The following ABCA5 variants were observed in gnomAD, a reference collection of about 807,000 sequenced individuals.
ABCA5 encodes the protein ATP binding cassette subfamily A member 5, also known as cholesterol transporter ABCA5.
In ABCA5, 163 loss-of-function variants were observed where a neutral mutation model predicts 206.0. The observed-to-expected ratio is 0.79, with a 90% confidence interval of 0.70 to 0.90. The LOEUF (loss-of-function observed/expected upper bound fraction) is 0.90, where lower values mean the gene tolerates loss of function less well. Among genes scored for constraint, ABCA5 ranks in the 40% least tolerant of loss-of-function variants. The probability of loss-of-function intolerance (pLI) is 0.00; values close to 1 mark genes in which losing one functional copy is unlikely to be tolerated. For missense variants in ABCA5, 1,859 were observed against 1,912.9 expected (o/e 0.97, Z 0.53); for synonymous variants, 609 against 613.8 (o/e 0.99, Z 0.11).
At chr17:69,259,615 C>T (rs966866032) in intron 28 of ABCA5, 91 bp downstream of exon 28, 1 of 857,556 alleles carries the variant, frequency 1.2e-6, no homozygotes. Flanking sequence ...TTTTGGAGTG[C>T]TGGAAATGTT....
intron 27 of ABCA5, among the ~76,000 whole-genome samples, 189 bp downstream of exon 27, chr17:69,260,149 G>A (rs2075130953): frequency 6.6e-6 from 1 of 151,856 alleles, no homozygotes; most frequent in Non-Finnish European, 1.5e-5. Flanking sequence ...GTATATTAAA[G>A]TGAACATATT....
rs1180912574 is a variant in ABCA5 at position 69,306,765 on chromosome 17, C to A, written c.748G>T (p.Glu250Ter). ...IVAEKEKKIK[E>*]FLKIMGLHDT... ...TGAAGTCCCATTATCTTTAAAAATTCTTTTATTTTTTTTTCTTTTTCTGCT... is the reference window on the plus strand; with the variant it reads ...TGAAGTCCCATTATCTTTAAAAATTATTTTATTTTTTTTTCTTTTTCTGCT... Residue 250 changes from glutamate to a stop codon, truncating the protein, a stop_gained, in exon 6 of 39, where the codon GAA (glutamate) becomes TAA (stop). Transcript: ENST00000392676. LOFTEE classifies it high-confidence loss of function. 24 of 1,560,492 alleles carry A rather than the reference C, an allele frequency of 1.5e-5. No individual in the cohort carries two copies. Among genetic ancestry groups the A allele is most frequent in the East Asian group, 2.3e-5 (1 of 43,078 alleles).
intron 9 of ABCA5, among the ~76,000 whole-genome samples, chr17:69,297,822 T>C (rs2075599789): frequency 6.6e-6 from 1 of 152,140 alleles, no homozygotes; most frequent in South Asian, 2.1e-4. Flanking sequence ...GTGGATATGC[T>C]TCATGGAAAA....
At chr17:69,306,694 T>C in intron 6 of ABCA5, 31 bp downstream of exon 6, 1 of 1,070,866 alleles carries the variant, frequency 9.3e-7, no homozygotes, top group Non-Finnish European at 1.2e-6. Flanking sequence ...AATTTTTAAT[T>C]ATATTAAGTA....
intron 15 of ABCA5, 94 bp downstream of exon 15, chr17:69,287,519 G>C: frequency 9.2e-6 from 13 of 1,414,256 alleles, no homozygotes; most frequent in Non-Finnish European, 1.2e-5. Context: ...CTAGGTAAAA[G>C]CTTCTCTATT....
chr17:69,250,343 TCACA>T (rs574061307), intron 36 of ABCA5, 125 bp downstream of exon 36: 3 of 670,734 alleles, frequency 4.5e-6, no homozygotes, highest in South Asian at 3.2e-5. Context: ...ACATATATAT[TCACA>T]CACAGAGATA....
At chr17:69,315,327 A>T (rs978101681) in intron 1 of ABCA5, 1 of 152,238 alleles carries the variant, frequency 6.6e-6, no homozygotes, top group Non-Finnish European at 1.5e-5. Context: ...TTTGAAAAAT[A>T]AACTAAAATG....
intron 24 of ABCA5, among the ~76,000 whole-genome samples, chr17:69,264,192 C>T (rs1441406877): frequency 2.0e-5 from 3 of 151,958 alleles, no homozygotes; most frequent in Non-Finnish European, 2.9e-5. Context: ...TTTCCATTTG[C>T]TTGTATCATC....
At chr17:69,314,619 G>A in intron 1 of ABCA5, 189 bp from the exon 2 acceptor site, 1 of 487,194 alleles carries the variant, frequency 2.1e-6, no homozygotes, top group South Asian at 3.4e-5. Context: ...AAGTAAACAA[G>A]GCATGTGAAA....
intron 35 of ABCA5, chr17:69,250,893 T>C (rs979631441): frequency 1.0e-5 from 2 of 199,726 alleles, no homozygotes; most frequent in Non-Finnish European, 2.0e-5. Flanking sequence ...TTTCACCAAT[T>C]TTCTATTAGT....
At chr17:69,286,183 GTA>G in intron 16 of ABCA5, 36 bp downstream of exon 16, 1 of 1,572,456 alleles carries the variant, frequency 6.4e-7, no homozygotes, top group Non-Finnish European at 8.7e-7. Context: ...TATAGCAAGA[GTA>G]TAATATAGAA....
At chr17:69,294,598 T>G in intron 11 of ABCA5, 57 bp downstream of exon 11, 1 of 1,370,332 alleles carries the variant, frequency 7.3e-7, no homozygotes, top group Non-Finnish European at 1.0e-6. Flanking sequence ...GCTATGCAAA[T>G]TATTTTTCTA....
chr17:69,302,718 C>G lies in ABCA5; in HGVS notation c.1119G>C (p.Gln373His). 1 of 1,513,392 alleles carries G rather than the reference C, an allele frequency of 6.6e-7. No individual in the cohort carries two copies. Among genetic ancestry groups the G allele is most frequent in the Non-Finnish European group, 8.8e-7 (1 of 1,139,132 alleles). The allele number at this position is 1,513,392 out of a possible 1,614,324, so 93.7% of individuals were successfully genotyped here. Residue 373 changes from glutamine to histidine, a missense_variant and splice_region_variant, in exon 8 of 39, where the codon CAG becomes CAC. Gln to His is a conservative substitution (Grantham distance 24, BLOSUM62 0). Transcript: ENST00000392676. ...CHCTFVIGIA[Q>H]VMHLEDFNEG... ...AATGCAAGATTAATATATTACCTAC[C>G]TGTGCAATACCAATCACAAAAGTAC...
intron 7 of ABCA5, among the ~76,000 whole-genome samples, chr17:69,303,443 A>G (rs539868356): frequency 6.6e-6 from 1 of 151,798 alleles, no homozygotes; most frequent in African/African-American, 2.4e-5. Context: ...TAAATACTGT[A>G]TTTTTATCTG....
chr17:69,268,196 A>C, intron 22 of ABCA5, 140 bp from the exon 23 acceptor site: 2 of 538,808 alleles, frequency 3.7e-6, no homozygotes, highest in Non-Finnish European at 6.7e-6. Context: ...GGCATAGTCT[A>C]CATGAAAGAA....
chr17:69,292,316 T>C (rs2075537138), intron 11 of ABCA5, among the ~76,000 whole-genome samples: 2 of 152,198 alleles, frequency 1.3e-5, no homozygotes, highest in African/African-American at 4.8e-5. Context: ...TTTGGACTTA[T>C]CAGGATATGT....
In ABCA5 at chr17:69,277,661, T is replaced by G; in HGVS notation, c.2574A>C (p.Glu858Asp). The G allele has an allele frequency of 6.2e-7, 1 of 1,610,650 alleles. No homozygotes were observed. Among genetic ancestry groups the G allele is most frequent in the Non-Finnish European group, 8.5e-7 (1 of 1,178,948 alleles). ...AKFHFFTLKRESKSVRSVLLL... is the reference protein window; with the variant it reads ...AKFHFFTLKRDSKSVRSVLLL... The stretch of plus-strand genomic sequence containing the variant: ...CTTACACTGATCTCACTGATTTACT[T>G]TCACGTTTCAAGGTAAAGAAATGAA... The change falls in exon 19 of 39, where the codon GAA becomes GAC. Residue 858 changes from glutamate (E) to aspartate (D), a missense_variant. Physicochemically the swap from Glu to Asp is conservative, Grantham distance 45. Coordinates refer to ENST00000392676, the MANE Select transcript of ABCA5 (RefSeq NM_172232.4).
At chr17:69,323,206 GGATAAAAGACCGCTGACTGT>G (rs1433270952) in intron 1 of ABCA5, among the ~76,000 whole-genome samples, 2 of 151,972 alleles carry the variant, frequency 1.3e-5, no homozygotes, top group African/African-American at 2.4e-5. Flanking sequence ...ATGATGCCAG[GGATAAAAGACCGCTGACTGT>G]GATAAAAGAC....
intron 3 of ABCA5, among the ~76,000 whole-genome samples, chr17:69,310,536 T>G (rs886419209): frequency 6.6e-6 from 1 of 152,236 alleles, no homozygotes; most frequent in African/African-American, 2.4e-5. Flanking sequence ...AATAGGCATT[T>G]TAGTAACTAT....
Sources: allele counts gnomAD v4.1 joint callset (sites outside exome capture counted in the v4.1 genomes callset), GRCh38; gene constraint gnomAD v4.1.1; transcripts MANE v1.5; gene names NCBI Gene and HGNC (gene_info 2026-07-23, HGNC 2026-07-21).